UTRN: variants seen among roughly 807,000 people sequenced by gnomAD.
UTRN encodes the protein utrophin, also known as dystrophin-related protein 1.
In UTRN, 283 loss-of-function variants were observed where a neutral mutation model predicts 463.9. The observed-to-expected ratio is 0.61, with a 90% CI of 0.55 to 0.67. The LOEUF (loss-of-function observed/expected upper bound fraction) is 0.67, where lower values mean the gene tolerates loss of function less well. UTRN is among the 30% of genes least tolerant of loss of function. The pLI, the probability that UTRN is intolerant of heterozygous loss-of-function variation, is 0.00. For missense variants in UTRN, 3,922 were observed against 4,084.3 expected, an observed-to-expected ratio of 0.96 and a Z score of 1.08; for synonymous variants, 1,442 against 1,431.5, an observed-to-expected ratio of 1.01 and a Z score of -0.17.
chr6:144,454,499 C>G (rs1048676051), intron 19 of UTRN, among the ~76,000 whole-genome samples: 5 of 152,164 alleles, frequency 3.3e-5, no homozygotes, highest in African/African-American at 1.2e-4. Context: ...TTCTTGCACT[C>G]CATGTACGTT....
At chr6:144,495,002 T>G (rs947868238) in intron 33 of UTRN, among the ~76,000 whole-genome samples, 1 of 151,974 alleles carries the variant, frequency 6.6e-6, no homozygotes, top group African/African-American at 2.4e-5. Flanking sequence ...AGATACAGAG[T>G]GCCGATTGGT....
At chr6:144,652,528 G>A (rs909954819) in intron 51 of UTRN, among the ~76,000 whole-genome samples, 3 of 152,276 alleles carry the variant, frequency 2.0e-5, no homozygotes, top group Non-Finnish European at 2.9e-5. Flanking sequence ...AAGATAAAGC[G>A]ATGCTTCAAT....
intron 2 of UTRN, among the ~76,000 whole-genome samples, chr6:144,324,903 T>C (rs1775881788): frequency 6.6e-6 from 1 of 152,192 alleles, no homozygotes; most frequent in Non-Finnish European, 1.5e-5. Context: ...TTGTTTGAGG[T>C]TGGTTCAGGG....
At chr6:144,705,676 A>G (rs1244219290) in intron 53 of UTRN, among the ~76,000 whole-genome samples, 4 of 152,198 alleles carry the variant, frequency 2.6e-5, no homozygotes, top group Non-Finnish European at 4.4e-5. Context: ...TGACACATAG[A>G]CATTCAAACT....
intron 39 of UTRN, 40 bp downstream of exon 39, chr6:144,516,988 T>C: frequency 7.2e-7 from 1 of 1,386,186 alleles, no homozygotes; most frequent in Admixed American, 2.9e-5. Context: ...TTAAATACCT[T>C]ACTTAACTCT....
intron 58 of UTRN, among the ~76,000 whole-genome samples, chr6:144,763,015 T>G (rs1172620167): frequency 2.0e-5 from 3 of 152,196 alleles, no homozygotes; most frequent in Admixed American, 2.0e-4. Context: ...CCATCACAAT[T>G]TAACAATTCT....
chr6:144,852,464 G>A lies in UTRN; in HGVS notation c.*1467G>A, dbSNP rs1489806715. 5 of 152,608 alleles carry A rather than the reference G, an allele frequency of 3.3e-5. No homozygotes were observed. In the East Asian group the frequency reaches 9.6e-4, roughly 29 times the overall value. The allele number at this position is 152,608 out of a possible 1,614,324, so 9.5% of individuals were successfully genotyped here. A position where few individuals can be genotyped will look rare whatever the true frequency, so the allele number is the denominator to read the frequency against. On this transcript the variant is annotated 3_prime_UTR_variant, in exon 75 of 75. Transcript: ENST00000367545. The stretch of plus-strand genomic sequence containing the variant: ...TTAGCTGGGATCTGGCCAGAAGGAG[G>A]CTTAAAGTTAGAAATTGCTATTATT...
intron 25 of UTRN, among the ~76,000 whole-genome samples, chr6:144,477,306 T>C (rs780910084): frequency 1.3e-5 from 2 of 152,200 alleles, no homozygotes; most frequent in Non-Finnish European, 2.9e-5. Flanking sequence ...AAATAGTACG[T>C]ATTTCTTAAT....
chr6:144,588,414 T>C (rs1010594924), intron 51 of UTRN, among the ~76,000 whole-genome samples: 3 of 152,210 alleles, frequency 2.0e-5, no homozygotes, highest in Non-Finnish European at 4.4e-5. Flanking sequence ...TGCAATGCTT[T>C]GTCACTCACT....
intron 51 of UTRN, among the ~76,000 whole-genome samples, chr6:144,633,058 A>G (rs565141980): frequency 5.3e-5 from 8 of 152,240 alleles, no homozygotes; most frequent in African/African-American, 1.9e-4. Context: ...TTAAACAACC[A>G]ATAATATTTG....
At chr6:144,782,638 A>AAT (rs59342533) in intron 61 of UTRN, among the ~76,000 whole-genome samples, 68 of 149,380 alleles carry the variant, frequency 4.6e-4, no homozygotes, top group African/African-American at 1.1e-3. Context: ...ATATATATAT[A>AAT]ATATATATAT....
At chr6:144,678,333 G>T in intron 51 of UTRN, 73 bp from the exon 52 acceptor site, 1 of 1,419,656 alleles carries the variant, frequency 7.0e-7, no homozygotes, top group Middle Eastern at 1.9e-4. Flanking sequence ...TTGCTTGAGA[G>T]CAACTCATCT....
intron 51 of UTRN, among the ~76,000 whole-genome samples, chr6:144,642,545 G>A (rs1016295265): frequency 2.0e-5 from 3 of 152,146 alleles, no homozygotes; most frequent in East Asian, 1.9e-4. Flanking sequence ...ACTAGTGACA[G>A]GAAAGTTCGT....
At chr6:144,553,895 G>A (rs1246114846) in intron 48 of UTRN, among the ~76,000 whole-genome samples, 11 of 140,912 alleles carry the variant, frequency 7.8e-5, no homozygotes, top group African/African-American at 1.6e-4. Flanking sequence ...CAGCCTGGGC[G>A]ACAGAGCAAG....
At chr6:144,400,944 T>C (rs2114791917) in intron 2 of UTRN, among the ~76,000 whole-genome samples, 1 of 152,360 alleles carries the variant, frequency 6.6e-6, no homozygotes, top group East Asian at 1.9e-4. Flanking sequence ...AAGATTATTA[T>C]CATTGATAGG....
At chr6:144,743,402 T>A (rs188592838) in intron 54 of UTRN, among the ~76,000 whole-genome samples, 1 of 152,358 alleles carries the variant, frequency 6.6e-6, no homozygotes, top group East Asian at 1.9e-4. Flanking sequence ...ATTTAAAAAA[T>A]AGCTTTGCAT....
chr6:144,684,020 C>T (rs2128687332), intron 52 of UTRN, among the ~76,000 whole-genome samples: 1 of 151,742 alleles, frequency 6.6e-6, no homozygotes, highest in South Asian at 2.1e-4. Flanking sequence ...CATGCTTCTA[C>T]ATTCCTCATT....
chr6:144,699,165 C>T (rs1169898246), intron 52 of UTRN, among the ~76,000 whole-genome samples: 7 of 152,044 alleles, frequency 4.6e-5, no homozygotes, highest in South Asian at 2.1e-4. Flanking sequence ...CAAGACCAGG[C>T]GCGGTGGCTC....
chr6:144,794,500 A>T (rs962724710), intron 63 of UTRN, among the ~76,000 whole-genome samples: 4 of 152,136 alleles, frequency 2.6e-5, no homozygotes, highest in African/African-American at 9.7e-5. Context: ...TTTTCCTATT[A>T]TATTCACCTA....
Sources: gnomAD v4.1 joint callset for allele counts (sites outside exome capture counted in the v4.1 genomes callset) on GRCh38, gnomAD v4.1.1 for gene constraint, MANE v1.5 for transcripts, NCBI Gene and HGNC (gene_info 2026-07-23, HGNC 2026-07-21) for gene names.